Variants in ZFP82 observed in about 807,000 individuals in gnomAD.
ZFP82 encodes zinc finger protein 82 homolog.
In ZFP82, 30 loss-of-function variants were observed where a neutral mutation model predicts 54.0. The ratio of observed to expected loss-of-function variants is 0.56; its 90% CI spans 0.42 to 0.75. The LOEUF is 0.75. ZFP82 is among the 30% of genes least tolerant of loss of function. ZFP82 has a pLI of 0.00. For synonymous variants in ZFP82, 194 were observed against 209.5 expected, an observed-to-expected ratio of 0.93 and a Z score of 0.64; for missense variants, 500 against 636.8, an observed-to-expected ratio of 0.79 and a Z score of 2.31.
chr19:36,403,085 G>A (rs1201148970), intron 4 of ZFP82, among the ~76,000 whole-genome samples: 1 of 152,064 alleles, frequency 6.6e-6, no homozygotes, highest in Non-Finnish European at 1.5e-5. Flanking sequence ...GGAGCTTGCA[G>A]TGAGCAAGAT....
chr19:36,385,889 T>C (rs960577046), downstream of ZFP82, among the ~76,000 whole-genome samples: 2 of 152,130 alleles, frequency 1.3e-5, no homozygotes, highest in African/African-American at 4.8e-5. Context: ...TAACTGCATA[T>C]AGTAAGATGT....
chr19:36,411,101 G>C (rs2032571944), intron 1 of ZFP82, among the ~76,000 whole-genome samples: 1 of 126,586 alleles, frequency 7.9e-6, no homozygotes, highest in African/African-American at 2.6e-5. Flanking sequence ...GCTGAGGGAG[G>C]AGAATCGCTT....
chr19:36,399,216 T>C (rs2032344922), intron 4 of ZFP82, among the ~76,000 whole-genome samples: 1 of 152,180 alleles, frequency 6.6e-6, no homozygotes, highest in South Asian at 2.1e-4. Flanking sequence ...TGAGGAAAAC[T>C]TCGAAACACT....
intron 1 of ZFP82, among the ~76,000 whole-genome samples, chr19:36,410,780 T>A (rs1271747615): frequency 6.6e-6 from 1 of 151,886 alleles, no homozygotes. Context: ...AGATTACAGA[T>A]GTGAGCCACC....
At chr19:36,386,196 A>G (rs906047069), downstream of ZFP82, among the ~76,000 whole-genome samples, 2 of 152,322 alleles carry the variant, frequency 1.3e-5, no homozygotes, top group South Asian at 2.1e-4. Flanking sequence ...CCCACATGCC[A>G]GTAGAGTGCC....
At chr19:36,416,541 G>A (rs543296308) in intron 1 of ZFP82, among the ~76,000 whole-genome samples, 34 of 152,120 alleles carry the variant, frequency 2.2e-4, no homozygotes, top group African/African-American at 8.0e-4. Flanking sequence ...CAGATCACCT[G>A]AGGTCGGGAG....
Position 36,393,708 on chromosome 19 carries a change from G to A in ZFP82, c.632C>T (p.Ala211Val). 2 of 1,614,050 alleles carry A rather than the reference G, an allele frequency of 1.2e-6. No homozygotes were observed. The highest frequency in any genetic ancestry group is 1.7e-5 in the Admixed American group (1 of 60,004). ...KECGMAFRQT[A>V]HLTRHQRLHS... ...AAGTCTCTGATGTCGAGTAAGGTGT[G>A]CAGTCTGTCTGAAGGCCATCCCACA... Residue 211 changes from alanine to valine, a missense_variant, in exon 5 of 5, where the codon GCA becomes GTA. Transcript: ENST00000392161.
chr19:36,411,762 G>A (rs577491023), intron 1 of ZFP82, among the ~76,000 whole-genome samples: 4 of 152,050 alleles, frequency 2.6e-5, no homozygotes, highest in Admixed American at 2.6e-4. Context: ...CTACCCGGGA[G>A]GCTGAGGCAG....
In ZFP82 at chr19:36,409,794, T is replaced by C. The variant is rs200216818; in HGVS notation, c.-5A>G. ...AAAAAAACTTACAAGGGCCATGGTA[T>C]AGAAATTCAAGAACTGGTCAGTCCT... is the stretch of plus-strand genomic sequence containing the variant. On this transcript the variant is annotated 5_prime_UTR_variant, in exon 2 of 5. Transcript: ENST00000392161. 3.7e-5 allele frequency: 60 copies of C among 1,613,710 alleles called. No homozygotes were observed. The African/African-American group carries it at 6.7e-4, about 18-fold the overall frequency.
chr19:36,410,121 A>G (rs2032552508), intron 1 of ZFP82, among the ~76,000 whole-genome samples: 1 of 152,114 alleles, frequency 6.6e-6, no homozygotes, highest in African/African-American at 2.4e-5. Flanking sequence ...TCAAAGTTTC[A>G]TAGGCCTGTT....
chr19:36,384,504 A>C (rs976546338), downstream of ZFP82: 1 of 152,236 alleles, frequency 6.6e-6, no homozygotes, highest in African/African-American at 2.4e-5. Flanking sequence ...TCTGAATTAC[A>C]CTGAGTTAAA....
chr19:36,408,940 G>T (rs539630071), intron 2 of ZFP82, among the ~76,000 whole-genome samples: 37 of 152,198 alleles, frequency 2.4e-4, no homozygotes, highest in Admixed American at 5.9e-4. Flanking sequence ...TCAATTCTGG[G>T]AGTCAACGTG....
intron 4 of ZFP82, 88 bp from the exon 5 acceptor site, chr19:36,394,198 G>A (rs2032257127): frequency 1.6e-6 from 2 of 1,226,392 alleles, no homozygotes; most frequent in Admixed American, 2.4e-5. Context: ...GACAACAAAA[G>A]TAATCCTTAA....
intron 2 of ZFP82, 137 bp from the exon 3 acceptor site, chr19:36,408,150 C>T (rs1468127041): frequency 5.4e-6 from 5 of 919,954 alleles, no homozygotes; most frequent in Admixed American, 2.7e-5. Flanking sequence ...GCCTGCAACA[C>T]AGCGAGTCAG....
chr19:36,395,936 C>G (rs936154669), intron 4 of ZFP82: 2 of 152,334 alleles, frequency 1.3e-5, no homozygotes, highest in African/African-American at 4.8e-5. Context: ...CACTCTGTCA[C>G]CCAGGCTGGA....
intron 1 of ZFP82, among the ~76,000 whole-genome samples, chr19:36,411,353 C>T (rs1319669631): frequency 6.6e-6 from 1 of 151,870 alleles, no homozygotes; most frequent in African/African-American, 2.4e-5. Context: ...AACTGGCATG[C>T]ATGATTCACT....
chr19:36,386,338 C>T (rs1296274859), downstream of ZFP82, among the ~76,000 whole-genome samples: 2 of 152,238 alleles, frequency 1.3e-5, no homozygotes, highest in Admixed American at 6.5e-5. Context: ...GCAAGAGTCA[C>T]GGGGGCATGG....
intron 1 of ZFP82, among the ~76,000 whole-genome samples, chr19:36,412,076 C>CAGAGAGAG (rs373512524): frequency 6.4e-5 from 6 of 93,430 alleles, no homozygotes; most frequent in East Asian, 5.8e-4. Context: ...GTGAGAGAAA[C>CAGAGAGAG]AGAGAGAGAG....
At chr19:36,385,034 C>T (rs2032100472), downstream of ZFP82, among the ~76,000 whole-genome samples, 2 of 152,068 alleles carry the variant, frequency 1.3e-5, no homozygotes. Flanking sequence ...ATGTGTCCCC[C>T]AAAGTTCATT....
Sources: allele counts gnomAD v4.1 joint callset (sites outside exome capture counted in the v4.1 genomes callset), GRCh38; gene constraint gnomAD v4.1.1; transcripts MANE v1.5; gene names NCBI Gene and HGNC (gene_info 2026-07-23, HGNC 2026-07-21).